The following KCNIP4 variants were observed in gnomAD, a reference collection of about 807,000 sequenced individuals.
The protein encoded by KCNIP4 is potassium voltage-gated channel interacting protein 4, also known as Kv channel-interacting protein 4.
KCNIP4 carries 12 observed loss-of-function variants against 34.0 expected under a neutral mutation model. That is an observed-to-expected ratio of 0.35 (90% CI 0.23 to 0.57). KCNIP4 has a LOEUF of 0.57. Ranked by LOEUF, KCNIP4 falls within the 20% of genes least tolerant of loss-of-function variation. The pLI, the probability that KCNIP4 is intolerant of heterozygous loss-of-function variation, is 0.83. For missense variants in KCNIP4, 238 were observed against 311.7 expected (o/e 0.76, Z 1.78); for synonymous variants, 124 against 102.2 (o/e 1.21, Z -1.29).
chr4:21,290,739 G>A (rs1234758897), intron 1 of KCNIP4, among the ~76,000 whole-genome samples: 1 of 152,132 alleles, frequency 6.6e-6, no homozygotes, highest in Non-Finnish European at 1.5e-5. Flanking sequence ...CTTAGAAGGG[G>A]CAGAAGTCTG....
intron 1 of KCNIP4, among the ~76,000 whole-genome samples, chr4:21,679,134 G>C (rs1188835872): frequency 6.6e-6 from 1 of 152,168 alleles, no homozygotes; most frequent in Non-Finnish European, 1.5e-5. Flanking sequence ...ATTGCTGTGA[G>C]AAAACAAATT....
At chr4:21,618,320 A>G (rs1343227593) in intron 1 of KCNIP4, among the ~76,000 whole-genome samples, 1 of 152,186 alleles carries the variant, frequency 6.6e-6, no homozygotes, top group Non-Finnish European at 1.5e-5. Flanking sequence ...AAATAAGTCA[A>G]TTGAGTTAAA....
chr4:20,893,093 A>T (rs970247289), intron 1 of KCNIP4, among the ~76,000 whole-genome samples: 1 of 152,178 alleles, frequency 6.6e-6, no homozygotes. Flanking sequence ...TTCTTGTTTA[A>T]ATGGTAAATT....
At position 21,894,636 on chromosome 4, in the gene KCNIP4, A is replaced by G. The variant is rs1727281405; in HGVS notation, c.61+53935T>C. 2.0e-5 allele frequency among the ~76,000 whole-genome samples: 3 copies of G among 152,244 alleles called. 1 individual carries two copies. The South Asian group carries it at 6.2e-4, about 32-fold the overall frequency. ...AGAATTATAGAATATTCAACAGCAA[A>G]CATTAAAAATTTACATTCTGATTAG... On this transcript the variant is annotated intron_variant, in intron 1 of 8. Coordinates refer to ENST00000382152, the MANE Select transcript of KCNIP4 (RefSeq NM_025221.6).
intron 1 of KCNIP4, among the ~76,000 whole-genome samples, chr4:21,107,536 G>A (rs1172775033): frequency 6.7e-6 from 1 of 149,866 alleles, no homozygotes; most frequent in Admixed American, 6.6e-5. Context: ...ACACTGATGG[G>A]TCTTGACTCT....
intron 1 of KCNIP4, among the ~76,000 whole-genome samples, chr4:21,071,833 C>T (rs1744959825): frequency 6.6e-6 from 1 of 152,084 alleles, no homozygotes; most frequent in South Asian, 2.1e-4. Flanking sequence ...TGATGTTCCC[C>T]TTCCTGTGTC....
rs541698534 is a variant in KCNIP4, at chr4:20,979,548, G to A, written c.62-96839C>T. ...CGAGTAGCTGGGACTACCGGCGCCC[G>A]CCACCTCGCCCAGCTATTTTTTTGT... is the stretch of plus-strand genomic sequence containing the variant. On this transcript the variant is annotated intron_variant, in intron 1 of 8. Transcript: ENST00000382152. Among the ~76,000 whole-genome samples, 26 of 152,024 alleles carry A rather than the reference G, an allele frequency of 1.7e-4. No homozygotes were observed. The South Asian group carries it at 5.2e-3, about 30-fold the overall frequency.
intron 1 of KCNIP4, among the ~76,000 whole-genome samples, chr4:21,794,344 A>G (rs953946079): frequency 1.3e-5 from 2 of 152,194 alleles, no homozygotes; most frequent in Admixed American, 6.5e-5. Context: ...ATTTCACTTA[A>G]TTCTATCCTG....
In KCNIP4 at chr4:21,481,725, G is replaced by T. The variant is rs568053806; in HGVS notation, c.61+466846C>A. Among the ~76,000 whole-genome samples the T allele has an allele frequency of 9.1e-4, 135 of 148,550 alleles. 1 individual carries two copies. Among genetic ancestry groups the T allele is most frequent in the African/African-American group, 3.3e-3 (126 of 38,046 alleles). ...AAACACACGGCAGGTCCACTATACG[G>T]GGCCACTTGTGGCTCATTGAAATAA... On this transcript the variant is annotated intron_variant, in intron 1 of 8. Transcript: ENST00000382152.
chr4:21,096,497 TTC>T (rs1747468321), intron 1 of KCNIP4, among the ~76,000 whole-genome samples: 1 of 152,158 alleles, frequency 6.6e-6, no homozygotes. Context: ...AGTTTTTTTA[TTC>T]TGTTTGACTA....
At chr4:21,504,532 CAAGCA>C (rs563895599) in intron 1 of KCNIP4, among the ~76,000 whole-genome samples, 2 of 145,548 alleles carry the variant, frequency 1.4e-5, no homozygotes, top group Non-Finnish European at 3.0e-5. Context: ...AGCAAGCAAG[CAAGCA>C]AAGCAAAGCA....
chr4:20,859,718 T>G (rs1199010035), intron 2 of KCNIP4, among the ~76,000 whole-genome samples: 3 of 152,140 alleles, frequency 2.0e-5, no homozygotes, highest in African/African-American at 7.2e-5. Context: ...TTGGTACAGC[T>G]CAACTCGTAA....
intron 1 of KCNIP4, among the ~76,000 whole-genome samples, chr4:21,765,254 C>G (rs1472441504): frequency 6.6e-6 from 1 of 151,488 alleles, no homozygotes; most frequent in Non-Finnish European, 1.5e-5. Context: ...CTCCGGGGCT[C>G]AAGTGATCCT....
intron 1 of KCNIP4, among the ~76,000 whole-genome samples, chr4:21,105,503 A>G (rs1224624135): frequency 2.0e-5 from 3 of 151,734 alleles, no homozygotes; most frequent in South Asian, 2.1e-4. Context: ...GGGCTGAGAC[A>G]ATGGGGTTTT....
At chr4:21,242,085 A>G (rs534881714) in intron 1 of KCNIP4, among the ~76,000 whole-genome samples, 94 of 146,606 alleles carry the variant, frequency 6.4e-4, no homozygotes, top group Middle Eastern at 7.2e-3. Context: ...AATGGCGTGA[A>G]CCCAGGAGGC....
chr4:21,069,715 G>A (rs888558891), intron 1 of KCNIP4, among the ~76,000 whole-genome samples: 1 of 152,184 alleles, frequency 6.6e-6, no homozygotes, highest in Non-Finnish European at 1.5e-5. Flanking sequence ...TGGATGTAGA[G>A]CAAATCTTAT....
At chr4:21,022,000 C>A (rs1256922115) in intron 1 of KCNIP4, among the ~76,000 whole-genome samples, 1 of 151,958 alleles carries the variant, frequency 6.6e-6, no homozygotes, top group Non-Finnish European at 1.5e-5. Flanking sequence ...ATCAGACTGG[C>A]AGCACAGTAG....
chr4:21,365,949 C>T (rs1207301553), intron 1 of KCNIP4, among the ~76,000 whole-genome samples: 1 of 152,190 alleles, frequency 6.6e-6, no homozygotes, highest in African/African-American at 2.4e-5. Context: ...ATGCTTACCA[C>T]TCAGGCTGAG....
At chr4:21,908,673 G>C (rs1379861688) in intron 1 of KCNIP4, among the ~76,000 whole-genome samples, 1 of 152,166 alleles carries the variant, frequency 6.6e-6, no homozygotes, top group Non-Finnish European at 1.5e-5. Flanking sequence ...GAGGAAGTTA[G>C]GGATCATTCA....
Sources: allele counts gnomAD v4.1 joint callset (sites outside exome capture counted in the v4.1 genomes callset), GRCh38; gene constraint gnomAD v4.1.1; transcripts MANE v1.5; gene names NCBI Gene and HGNC (gene_info 2026-07-23, HGNC 2026-07-21).